The following C1orf115 variants were observed in gnomAD, a reference collection of about 807,000 sequenced individuals.
C1orf115 encodes the protein chromosome 1 open reading frame 115.
Under a neutral mutation model 12.5 loss-of-function variants are expected in C1orf115, and 14 were observed. The observed-to-expected ratio is 1.12, with a 90% CI of 0.74 to 1.75. C1orf115 has a LOEUF of 1.75. C1orf115 is among the 40% of genes most tolerant of loss of function. The pLI, the probability that C1orf115 is intolerant of heterozygous loss-of-function variation, is 0.00. For missense variants in C1orf115, 237 were observed against 220.8 expected, an observed-to-expected ratio of 1.07 and a Z score of -0.46; for synonymous variants, 109 against 104.6, an observed-to-expected ratio of 1.04 and a Z score of -0.26.
chr1:220,696,691 C>A lies in C1orf115; in HGVS notation c.389C>A (p.Pro130Gln). The stretch of plus-strand genomic sequence containing the variant: ...GGCTTCGCTGCAGCCTACTCCGCCC[C>A]GTTTGCGGTAGCCACCAGCGTGGTA... Reference protein sequence around the residue: ...LQGFAAAYSAPFAVATSVVSF... With the variant: ...LQGFAAAYSAQFAVATSVVSF... The change falls in exon 2 of 2, where the codon CCG becomes CAG. Residue 130 changes from proline to glutamine, a missense_variant. Pro to Gln is a moderately conservative substitution (Grantham distance 76). Coordinates refer to ENST00000294889, the MANE Select transcript of C1orf115 (RefSeq NM_024709.5). The A allele has an allele frequency of 6.2e-7, 1 of 1,600,712 alleles. No individual in the cohort carries two copies.
intron 1 of C1orf115, 41 bp downstream of exon 1, chr1:220,690,752 T>TGGTGTCCCGCGGGGGA: frequency 6.5e-7 from 1 of 1,544,194 alleles, no homozygotes; most frequent in South Asian, 1.2e-5. Flanking sequence ...GGCGCGGGTG[T>TGGTGTCCCGCGGGGGA]GGTGTCCCGC....
Position 220,698,732 on chromosome 1 carries a change from A to C in C1orf115, c.*2001A>C, listed in dbSNP as rs1296739021. ...AATCTGTCCCAGGAAGAGCTTCCCCACTCCCATCCCCCAAATTGGAAAAAC... is the reference window on the plus strand; with the variant it reads ...AATCTGTCCCAGGAAGAGCTTCCCCCCTCCCATCCCCCAAATTGGAAAAAC... On this transcript the variant is annotated 3_prime_UTR_variant, in exon 2 of 2. Coordinates refer to ENST00000294889, the MANE Select transcript of C1orf115 (RefSeq NM_024709.5). 6.6e-6 allele frequency: 1 copy of C among 151,976 alleles called. No homozygotes were observed. Among genetic ancestry groups the C allele is most frequent in the African/African-American group, 2.4e-5 (1 of 41,338 alleles). 9.4% of individuals were successfully genotyped at this position (151,976 alleles called of 1,614,324 possible).
rs746388879 is a variant in C1orf115, at chr1:220,696,711, G to A, written c.409G>A (p.Val137Met). The A allele has an allele frequency of 4.3e-5, 68 of 1,595,854 alleles. 1 individual carries two copies. Among genetic ancestry groups the A allele is most frequent in the South Asian group, 3.9e-4 (35 of 90,372 alleles). ...CGCCCCGTTTGCGGTAGCCACCAGC[G>A]TGGTATCCTTCGTGCGCTAATGGGA... ...YSAPFAVATS[V>M]VSFVR Residue 137 changes from valine to methionine, a missense_variant, in exon 2 of 2, where the codon GTG (valine) becomes ATG (methionine). Val to Met is a conservative substitution (Grantham distance 21, BLOSUM62 1). Transcript: ENST00000294889.
At chr1:220,692,603 A>G (rs1480131146) in intron 1 of C1orf115, among the ~76,000 whole-genome samples, 2 of 152,200 alleles carry the variant, frequency 1.3e-5, no homozygotes, top group African/African-American at 2.4e-5. Flanking sequence ...AGGTCAACCC[A>G]TGGAGATGGA....
At position 220,690,417 on chromosome 1, in the gene C1orf115, C is replaced by T; in HGVS notation, c.15C>T (p.Ala5=). ...GCCGGGACATCATGACGGTGGGAGCCAGGCTCCGAAGCAAGGCGGAGAGCA... is the reference window on the plus strand; with the variant it reads ...GCCGGGACATCATGACGGTGGGAGCTAGGCTCCGAAGCAAGGCGGAGAGCA... MTVG[A]RLRSKAESSL... is the part of the protein sequence containing the mutation. Residue 5 remains alanine, a synonymous_variant, in exon 1 of 2, where the codon GCC becomes GCT. Transcript: ENST00000294889. The T allele has an allele frequency of 2.1e-6, 3 of 1,435,388 alleles. No homozygotes were observed. Among genetic ancestry groups the T allele is most frequent in the Non-Finnish European group, 2.7e-6 (3 of 1,102,518 alleles). The allele number at this position is 1,435,388 out of a possible 1,614,324, so 88.9% of individuals were successfully genotyped here.
intron 1 of C1orf115, among the ~76,000 whole-genome samples, chr1:220,695,089 T>C (rs571310276): frequency 1.5e-4 from 23 of 151,358 alleles, no homozygotes; most frequent in African/African-American, 5.1e-4. Context: ...AGCATGGGGG[T>C]TGTAGATGGC....
At chr1:220,691,832 T>A (rs1292631475) in intron 1 of C1orf115, among the ~76,000 whole-genome samples, 1 of 152,192 alleles carries the variant, frequency 6.6e-6, no homozygotes, top group Non-Finnish European at 1.5e-5. Context: ...GGCATTGTGC[T>A]GAGCAGTAGA....
intron 1 of C1orf115, among the ~76,000 whole-genome samples, chr1:220,692,339 A>G (rs977905186): frequency 1.3e-5 from 2 of 152,228 alleles, no homozygotes; most frequent in African/African-American, 2.4e-5. Flanking sequence ...ATGTTTATAT[A>G]CACATTTTAA....
chr1:220,696,050 C>CCA (rs1670189656), intron 1 of C1orf115, among the ~76,000 whole-genome samples: 1 of 152,114 alleles, frequency 6.6e-6, no homozygotes, highest in South Asian at 2.1e-4. Context: ...GCCTGACCAT[C>CCA]AGGGAGCTTA....
chr1:220,693,423 CTTGA>C, intron 1 of C1orf115, among the ~76,000 whole-genome samples: 1 of 152,320 alleles, frequency 6.6e-6, no homozygotes, highest in Admixed American at 6.5e-5. Flanking sequence ...ATGGATCACT[CTTGA>C]TTGTTAAGCT....
At chr1:220,690,805 T>C in intron 1 of C1orf115, 94 bp downstream of exon 1, 1 of 1,422,094 alleles carries the variant, frequency 7.0e-7, no homozygotes, top group African/African-American at 1.5e-5. Flanking sequence ...TCACCCAGTT[T>C]CTCCGGGCTG....
At chr1:220,692,941 T>C (rs1374342500) in intron 1 of C1orf115, among the ~76,000 whole-genome samples, 2 of 152,188 alleles carry the variant, frequency 1.3e-5, no homozygotes, top group Non-Finnish European at 2.9e-5. Context: ...GCTAGTTCAA[T>C]GGACCCAGGA....
In C1orf115 at chr1:220,696,863, T is replaced by A. The variant is rs1670203696; in HGVS notation, c.*132T>A. On this transcript the variant is annotated 3_prime_UTR_variant, in exon 2 of 2. Coordinates refer to ENST00000294889, the MANE Select transcript of C1orf115 (RefSeq NM_024709.5). Reference sequence around the variant, plus strand: ...AGAAAACATGCCTTTCTTTGTTGAATCACATTAGTATGATGAGTGAGTCAT... The same window carrying A: ...AGAAAACATGCCTTTCTTTGTTGAAACACATTAGTATGATGAGTGAGTCAT... 8.2e-7 allele frequency: 1 copy of A among 1,222,808 alleles called. No individual in the cohort carries two copies. Among genetic ancestry groups the A allele is most frequent in the South Asian group, 1.8e-5 (1 of 55,722 alleles). The allele number at this position is 1,222,808 out of a possible 1,614,324, so 75.7% of individuals were successfully genotyped here. A position where few individuals can be genotyped will look rare whatever the true frequency, so the allele number is the denominator to read the frequency against.
chr1:220,694,129 A>ATATTCTTAAGACTT (rs1670154105), intron 1 of C1orf115, among the ~76,000 whole-genome samples: 2 of 151,678 alleles, frequency 1.3e-5, no homozygotes, highest in Non-Finnish European at 2.9e-5. Context: ...AGTCATAGGA[A>ATATTCTTAAGACTT]ATTATAGTCT....
chr1:220,691,388 C>G (rs1325163997), intron 1 of C1orf115, among the ~76,000 whole-genome samples: 4 of 152,212 alleles, frequency 2.6e-5, no homozygotes, highest in Non-Finnish European at 5.9e-5. Flanking sequence ...TCCCAGGTGT[C>G]TCTGCATGGA....
chr1:220,693,692 C>T (rs1223631868), intron 1 of C1orf115, among the ~76,000 whole-genome samples: 1 of 152,194 alleles, frequency 6.6e-6, no homozygotes, highest in Non-Finnish European at 1.5e-5. Flanking sequence ...AAAGGAAACA[C>T]TCAGCCTCTT....
chr1:220,692,349 A>C (rs1020284707), intron 1 of C1orf115, among the ~76,000 whole-genome samples: 1 of 152,202 alleles, frequency 6.6e-6, no homozygotes, highest in African/African-American at 2.4e-5. Flanking sequence ...ACACATTTTA[A>C]TGGAATTATT....
chr1:220,690,531 C>G lies in C1orf115; in HGVS notation c.129C>G (p.Asp43Glu). The part of the protein sequence containing the change: ...AAILEHLEYA[D>E]EAEAAAESGT... ...TCCTGGAGCACCTGGAGTACGCGGA[C>G]GAGGCGGAGGCGGCGGCCGAGAGCG... is the stretch of plus-strand genomic sequence containing the variant. The change falls in exon 1 of 2, where the codon GAC becomes GAG. Residue 43 changes from aspartate to glutamate, a missense_variant. Physicochemically the swap from Asp to Glu is conservative, Grantham distance 45. Transcript: ENST00000294889. 4 of 1,444,298 alleles carry G rather than the reference C, an allele frequency of 2.8e-6. No homozygotes were observed. Among genetic ancestry groups the G allele is most frequent in the East Asian group, 2.9e-5 (1 of 34,780 alleles). The allele number at this position is 1,444,298 out of a possible 1,614,324, so 89.5% of individuals were successfully genotyped here.
chr1:220,690,705 C>G lies in C1orf115; in HGVS notation c.303C>G (p.Tyr101Ter), dbSNP rs751460169. Residue 101 changes from tyrosine (Y) to a stop codon, truncating the protein, a stop_gained, in exon 1 of 2, where the codon TAC (tyrosine) becomes TAG (stop). Coordinates refer to ENST00000294889, the MANE Select transcript of C1orf115 (RefSeq NM_024709.5). LOFTEE classifies it high-confidence loss of function. ...RKRYRRKLKKYGKNVGKVIIK... is the reference protein window; with the variant it reads ...RKRYRRKLKK ...GGTACCGGAGGAAGCTGAAGAAGTA[C>G]GGCAAGGTAGGGGCCCTGCGCCACC... The G allele has an allele frequency of 1.3e-6, 2 of 1,588,524 alleles. No individual in the cohort carries two copies. The highest frequency in any genetic ancestry group is 1.7e-6 in the Non-Finnish European group (2 of 1,168,922).
Sources: allele counts gnomAD v4.1 joint callset (sites outside exome capture counted in the v4.1 genomes callset), GRCh38; gene constraint gnomAD v4.1.1; transcripts MANE v1.5; gene names NCBI Gene and HGNC (gene_info 2026-07-23, HGNC 2026-07-21).